Variants in FAT2 observed in about 807,000 individuals in gnomAD.
The protein encoded by FAT2 is FAT atypical cadherin 2.
Under a neutral mutation model 295.3 loss-of-function variants are expected in FAT2, and 150 were observed. The observed-to-expected ratio is 0.51, with a 90% confidence interval of 0.44 to 0.58. FAT2 has a LOEUF of 0.58. Among genes scored for constraint, FAT2 ranks in the 20% least tolerant of loss-of-function variants. The pLI, the probability that FAT2 is intolerant of heterozygous loss-of-function variation, is 0.00. For missense variants in FAT2, 4,868 were observed against 5,442.7 expected, an observed-to-expected ratio of 0.89 and a Z score of 3.32; for synonymous variants, 2,026 against 2,150.3, an observed-to-expected ratio of 0.94 and a Z score of 1.60.
At chr5:151,522,115 C>G in intron 18 of FAT2, 29 bp from the exon 19 acceptor site, 2 of 1,520,068 alleles carry the variant, frequency 1.3e-6, no homozygotes, top group Non-Finnish European at 8.9e-7. Flanking sequence ...CTGCTGTCAC[C>G]CAACAGAACT....
chr5:151,551,199 C>T (rs967061552), intron 7 of FAT2, among the ~76,000 whole-genome samples: 1 of 152,114 alleles, frequency 6.6e-6, no homozygotes, highest in Admixed American at 6.5e-5. Context: ...AACCATCATC[C>T]CCCTATACCC....
rs769256017 is a variant in FAT2 at position 151,510,084 on chromosome 5, C to T, written c.11996G>A (p.Gly3999Glu). ...NCTFAPCLEGGTCILSPKGAS... is the reference protein window; with the variant it reads ...NCTFAPCLEGETCILSPKGAS... ...TCCTTTGGGGGAGAGGATGCAAGTTCCACCTTCCAGGCAGGGTGCAAAAGT... is the reference window on the plus strand; with the variant it reads ...TCCTTTGGGGGAGAGGATGCAAGTTTCACCTTCCAGGCAGGGTGCAAAAGT... The change falls in exon 22 of 24, where the codon GGA becomes GAA. Residue 3999 changes from glycine to glutamate, a missense_variant. Around this residue, in one of 5 missense-constraint regions of FAT2, gnomAD observed 492 missense variants for 482.6 expected, o/e 1.02. Coordinates refer to ENST00000261800, the MANE Select transcript of FAT2 (RefSeq NM_001447.3). 9.3e-6 allele frequency: 15 copies of T among 1,614,042 alleles called. No individual in the cohort carries two copies. The highest frequency in any genetic ancestry group is 1.3e-5 in the Non-Finnish European group (15 of 1,180,032).
rs190714168 is a variant in FAT2 at position 151,543,183 on chromosome 5, G to A, written c.7944C>T (p.Ser2648=). Residue 2648 remains serine, a synonymous_variant, in exon 10 of 24, where the codon AGC becomes AGT. Transcript: ENST00000261800. ...PVTGVVKVKD[S]LVGLENQTLD... ...GGGTCTGATTTTCCAATCCCACCAG[G>A]CTGTCTTTCACCTTGACCACACCAG... 33 of 1,614,166 alleles carry A rather than the reference G, an allele frequency of 2.0e-5. No homozygotes were observed. In the East Asian group the frequency reaches 6.9e-4, roughly 34 times the overall value.
intron 1 of FAT2, among the ~76,000 whole-genome samples, chr5:151,574,986 A>G (rs1469803671): frequency 6.6e-6 from 1 of 152,244 alleles, no homozygotes; most frequent in Non-Finnish European, 1.5e-5. Context: ...CCAGGACTGC[A>G]GGGAAAACAG....
intron 19 of FAT2, among the ~76,000 whole-genome samples, chr5:151,519,461 G>A (rs1192815184): frequency 3.9e-5 from 6 of 152,146 alleles, no homozygotes; most frequent in Admixed American, 2.6e-4. Flanking sequence ...TTCCCACCCC[G>A]GCTGGATATC....
At chr5:151,552,905 C>T (rs1473816018) in intron 6 of FAT2, among the ~76,000 whole-genome samples, 2 of 152,224 alleles carry the variant, frequency 1.3e-5, no homozygotes, top group Non-Finnish European at 2.9e-5. Flanking sequence ...CATTTTAGGT[C>T]TCCTAGGCCC....
Position 151,566,466 on chromosome 5 carries a change from G to A in FAT2, c.2466C>T (p.Pro822=), listed in dbSNP as rs141641920. The part of the protein sequence containing the change: ...DWNDNAPRFP[P]GGYQLTISED... ...CCGAGATGGTTAACTGGTACCCACC[G>A]GGAGGAAATCTGGGTGCGTTGTCAT... Residue 822 remains proline (P), a synonymous_variant, in exon 2 of 24, where the codon CCC becomes CCT. Transcript: ENST00000261800. 2.2e-5 allele frequency: 35 copies of A among 1,613,508 alleles called. No individual in the cohort carries two copies. The highest frequency in any genetic ancestry group is 4.0e-5 in the African/African-American group (3 of 74,998).
chr5:151,567,483 A>G lies in FAT2; in HGVS notation c.1449T>C (p.Thr483=). The change falls in exon 2 of 24, where the codon ACT becomes ACC. Residue 483 remains threonine, a synonymous_variant. Coordinates refer to ENST00000261800, the MANE Select transcript of FAT2 (RefSeq NM_001447.3). ...PGTSVLAVTA[T]DRDHGENGYV... ...ATCCATTTTCCCCATGATCCCGGTC[A>G]GTGGCAGTCACAGCCAAAACACTGG... is the stretch of plus-strand genomic sequence containing the variant. 6.2e-7 allele frequency: 1 copy of G among 1,614,174 alleles called. No homozygotes were observed. The highest frequency in any genetic ancestry group is 8.5e-7 in the Non-Finnish European group (1 of 1,180,022).
Position 151,544,923 on chromosome 5 carries a change from G to C in FAT2, c.6204C>G (p.Pro2068=), listed in dbSNP as rs371598238. Residue 2068 remains proline (P), a synonymous_variant, in exon 10 of 24, where the codon CCC becomes CCG. Coordinates refer to ENST00000261800, the MANE Select transcript of FAT2 (RefSeq NM_001447.3). ...VSIEDVNDNP[P]KFKHLPYYTI... ...TGTAATAGGGCAGATGCTTAAATTT[G>C]GGGGGATTGTCATTGACATCCTCAA... 33 of 1,613,964 alleles carry C rather than the reference G, an allele frequency of 2.0e-5. No individual in the cohort carries two copies. Among genetic ancestry groups the C allele is most frequent in the Non-Finnish European group, 2.5e-5 (30 of 1,180,018 alleles).
Position 151,556,388 on chromosome 5 carries a change from C to G in FAT2, c.3589G>C (p.Ala1197Pro). The change falls in exon 4 of 24, where the codon GCC becomes CCC. Residue 1197 changes from alanine to proline, a missense_variant. Physicochemically the swap from Ala to Pro is conservative, Grantham distance 27 (BLOSUM62 -1). Coordinates refer to ENST00000261800, the MANE Select transcript of FAT2 (RefSeq NM_001447.3). Reference sequence around the variant, plus strand: ...TTGTTCTCTCTGTCCAGCTGCTGGGCTGTAGATAGGAGACCTGAGAGAGAG... The same window carrying G: ...TTGTTCTCTCTGTCCAGCTGCTGGGGTGTAGATAGGAGACCTGAGAGAGAG... ...IHPVTGLLST[A>P]QQLDRENKDE... The G allele has an allele frequency of 6.2e-7, 1 of 1,613,694 alleles. No homozygotes were observed. Among genetic ancestry groups the G allele is most frequent in the Non-Finnish European group, 8.5e-7 (1 of 1,179,758 alleles).
Position 151,505,448 on chromosome 5 carries a change from G to T in FAT2, c.*117C>A. The T allele has an allele frequency of 8.0e-7, 1 of 1,255,320 alleles. No homozygotes were observed. The highest frequency in any genetic ancestry group is 1.1e-6 in the Non-Finnish European group (1 of 893,356). 77.8% of individuals were successfully genotyped at this position (1,255,320 alleles called of 1,614,324 possible). A position where few individuals can be genotyped will look rare whatever the true frequency, so the allele number is the denominator to read the frequency against. ...CACATTTCAAGGGACAACAGCCTGG[G>T]CTGAGGGCTTCCCTCCCACTCTCCC... On this transcript the variant is annotated 3_prime_UTR_variant, in exon 24 of 24. Coordinates refer to ENST00000261800, the MANE Select transcript of FAT2 (RefSeq NM_001447.3).
At chr5:151,525,986 G>A (rs2127584874) in intron 17 of FAT2, 21 bp from the exon 18 acceptor site, 1 of 1,611,924 alleles carries the variant, frequency 6.2e-7, no homozygotes, top group African/African-American at 1.3e-5. Context: ...GAGTGACAAA[G>A]AAGGCAAAGA....
chr5:151,590,408 C>G (rs1339141757), intron 1 of FAT2, among the ~76,000 whole-genome samples: 1 of 152,232 alleles, frequency 6.6e-6, no homozygotes, highest in Non-Finnish European at 1.5e-5. Flanking sequence ...GAACTGAACT[C>G]TAGCCCAGTG....
At chr5:151,513,065 T>C (rs1761445715) in intron 20 of FAT2, among the ~76,000 whole-genome samples, 1 of 152,228 alleles carries the variant, frequency 6.6e-6, no homozygotes, top group Admixed American at 6.5e-5. Flanking sequence ...AAAGTATTTT[T>C]ATAGTAATCC....
intron 4 of FAT2, 108 bp downstream of exon 4, chr5:151,556,236 C>T: frequency 1.1e-6 from 1 of 883,674 alleles, no homozygotes; most frequent in Non-Finnish European, 1.9e-6. Context: ...GTATATCTTC[C>T]TCCCTGAACC....
Sources: allele counts gnomAD v4.1 joint callset (sites outside exome capture counted in the v4.1 genomes callset), GRCh38; gene constraint gnomAD v4.1.1; regional missense constraint gnomAD v4.1.1; transcripts MANE v1.5; gene names NCBI Gene and HGNC (gene_info 2026-07-23, HGNC 2026-07-21).